The following DPYD variants were observed in gnomAD, a reference collection of about 807,000 sequenced individuals.
The protein encoded by DPYD is dihydropyrimidine dehydrogenase [NADP(+)].
In DPYD, 109 loss-of-function variants were observed where a neutral mutation model predicts 116.2. The ratio of observed to expected loss-of-function variants is 0.94; its 90% CI spans 0.80 to 1.10. The LOEUF (loss-of-function observed/expected upper bound fraction) is 1.10. Among genes scored for constraint, DPYD ranks in the 50% least tolerant of loss-of-function variants. The pLI, the probability that DPYD is intolerant of heterozygous loss-of-function variation, is 0.00. For synonymous variants in DPYD, 440 were observed against 432.0 expected, an observed-to-expected ratio of 1.02 and a Z score of -0.23; for missense variants, 1,302 against 1,254.5, an observed-to-expected ratio of 1.04 and a Z score of -0.57.
At chr1:97,893,456 A>ATATATATATATATATG (rs1672882780) in intron 1 of DPYD, among the ~76,000 whole-genome samples, 1 of 143,862 alleles carries the variant, frequency 7.0e-6, no homozygotes, top group South Asian at 2.2e-4. Flanking sequence ...ATATATATAT[A>ATATATATATATATATG]TATATAGCAA....
chr1:97,383,170 A>G (rs1672076961), intron 14 of DPYD, among the ~76,000 whole-genome samples: 1 of 152,096 alleles, frequency 6.6e-6, no homozygotes, highest in South Asian at 2.1e-4. Context: ...CGTGCCACTT[A>G]TTAAGAAAAG....
intron 14 of DPYD, among the ~76,000 whole-genome samples, chr1:97,416,653 T>C (rs1674306967): frequency 6.6e-6 from 1 of 152,188 alleles, no homozygotes; most frequent in African/African-American, 2.4e-5. Flanking sequence ...TTATTCTTGG[T>C]GAAACAGAAA....
At chr1:97,784,617 G>A (rs1389470872) in intron 3 of DPYD, among the ~76,000 whole-genome samples, 1 of 152,058 alleles carries the variant, frequency 6.6e-6, no homozygotes, top group African/African-American at 2.4e-5. Flanking sequence ...CTCCACACAG[G>A]CACTATGGAA....
chr1:97,625,693 T>A (rs1656887452), intron 8 of DPYD, among the ~76,000 whole-genome samples: 3 of 151,900 alleles, frequency 2.0e-5, no homozygotes, highest in Admixed American at 1.3e-4. Flanking sequence ...GAGATGGTCA[T>A]CTACAATGCC....
chr1:97,784,169 C>G (rs1317907408), intron 3 of DPYD, among the ~76,000 whole-genome samples: 2 of 152,070 alleles, frequency 1.3e-5, no homozygotes, highest in Non-Finnish European at 2.9e-5. Flanking sequence ...AGGAGGAATA[C>G]TAAAAAGCAA....
chr1:97,714,612 A>G (rs1236983022), intron 5 of DPYD, among the ~76,000 whole-genome samples: 2 of 150,132 alleles, frequency 1.3e-5, no homozygotes, highest in Non-Finnish European at 3.0e-5. Context: ...GCCCCATAAA[A>G]CTTAAGATTC....
intron 20 of DPYD, among the ~76,000 whole-genome samples, chr1:97,146,794 A>G (rs1417300950): frequency 6.6e-6 from 1 of 152,154 alleles, no homozygotes; most frequent in Non-Finnish European, 1.5e-5. Flanking sequence ...ATAAATGTGG[A>G]TTTGGATGGT....
chr1:97,587,782 C>T (rs538222523), intron 10 of DPYD, among the ~76,000 whole-genome samples: 2 of 149,954 alleles, frequency 1.3e-5, no homozygotes, highest in Admixed American at 6.7e-5. Flanking sequence ...CGAGATCGCG[C>T]CACTGCACTC....
chr1:97,298,617 G>A (rs1666678102), intron 18 of DPYD, among the ~76,000 whole-genome samples: 1 of 152,136 alleles, frequency 6.6e-6, no homozygotes, highest in South Asian at 2.1e-4. Context: ...GAGAGGCAAT[G>A]ACATTTTGAT....
chr1:97,280,981 A>G (rs375666656), intron 18 of DPYD, among the ~76,000 whole-genome samples: 2 of 152,282 alleles, frequency 1.3e-5, no homozygotes, highest in African/African-American at 4.8e-5. Flanking sequence ...GTGCACTGGA[A>G]CATCACTACA....
intron 18 of DPYD, among the ~76,000 whole-genome samples, chr1:97,283,382 A>C (rs1167804015): frequency 6.6e-6 from 1 of 152,018 alleles, no homozygotes; most frequent in Non-Finnish European, 1.5e-5. Context: ...TATAATTTTG[A>C]AATTGGTTTA....
chr1:97,897,869 G>A (rs1356449233), intron 1 of DPYD, among the ~76,000 whole-genome samples: 1 of 151,694 alleles, frequency 6.6e-6, no homozygotes, highest in Non-Finnish European at 1.5e-5. Context: ...GTATTTTCCT[G>A]CATCCTTTCA....
intron 8 of DPYD, among the ~76,000 whole-genome samples, chr1:97,605,774 T>A (rs1186339717): frequency 6.6e-6 from 1 of 152,104 alleles, no homozygotes. Flanking sequence ...TTGCTTAGCA[T>A]ACTGACTGGC....
intron 5 of DPYD, among the ~76,000 whole-genome samples, chr1:97,702,279 T>C (rs1353261442): frequency 6.6e-6 from 1 of 151,366 alleles, no homozygotes; most frequent in Non-Finnish European, 1.5e-5. Flanking sequence ...TTTTTATATT[T>C]CCCCAAAGAA....
At chr1:97,502,597 T>C (rs761666106) in intron 13 of DPYD, among the ~76,000 whole-genome samples, 8 of 151,984 alleles carry the variant, frequency 5.3e-5, no homozygotes, top group Admixed American at 1.3e-4. Flanking sequence ...GACGGTGGTG[T>C]GGAGGCCGGA....
At chr1:97,779,316 T>TACACACACACACACATAC (rs34698824) in intron 3 of DPYD, among the ~76,000 whole-genome samples, 1 of 144,440 alleles carries the variant, frequency 6.9e-6, no homozygotes, top group Non-Finnish European at 1.5e-5. Context: ...CACACACACA[T>TACACACACACACACATAC]ACACACACAC....
intron 3 of DPYD, among the ~76,000 whole-genome samples, chr1:97,768,012 G>C (rs886196437): frequency 3.3e-5 from 5 of 152,036 alleles, no homozygotes; most frequent in Admixed American, 2.0e-4. Context: ...AAGAGTATCT[G>C]ATTTTTACTT....
At chr1:97,776,947 T>C (rs888921573) in intron 3 of DPYD, among the ~76,000 whole-genome samples, 1 of 152,170 alleles carries the variant, frequency 6.6e-6, no homozygotes, top group Non-Finnish European at 1.5e-5. Context: ...TGAGAATACA[T>C]AAAGGCGCAA....
intron 16 of DPYD, among the ~76,000 whole-genome samples, chr1:97,361,914 C>T (rs926003065): frequency 2.0e-5 from 3 of 152,232 alleles, no homozygotes; most frequent in Admixed American, 1.3e-4. Flanking sequence ...TGCCCTCTCT[C>T]ACCACTCCTA....
Sources: allele counts gnomAD v4.1 joint callset (sites outside exome capture counted in the v4.1 genomes callset), GRCh38; gene constraint gnomAD v4.1.1; transcripts MANE v1.5; gene names NCBI Gene and HGNC (gene_info 2026-07-23, HGNC 2026-07-21).